FHIT: variants seen among roughly 807,000 people sequenced by gnomAD.
FHIT encodes fragile histidine triad diadenosine triphosphatase.
FHIT carries 19 observed loss-of-function variants against 17.9 expected under a neutral mutation model. The ratio of observed to expected loss-of-function variants is 1.06; its 90% CI spans 0.74 to 1.56. The LOEUF (loss-of-function observed/expected upper bound fraction) is 1.56, where lower values mean the gene tolerates loss of function less well. FHIT is among the 40% of genes most tolerant of loss of function. FHIT has a pLI of 0.00. For synonymous variants in FHIT, 81 were observed against 69.7 expected (o/e 1.16, Z -0.81); for missense variants, 248 against 189.2 (o/e 1.31, Z -1.82).
intron 5 of FHIT, among the ~76,000 whole-genome samples, chr3:60,358,702 C>T (rs1265588491): frequency 6.6e-6 from 1 of 152,120 alleles, no homozygotes; most frequent in Non-Finnish European, 1.5e-5. Flanking sequence ...AGTGCTTATC[C>T]ATTTCTCTGC....
At chr3:60,451,672 A>T (rs982446163) in intron 5 of FHIT, among the ~76,000 whole-genome samples, 2 of 152,182 alleles carry the variant, frequency 1.3e-5, no homozygotes, top group Admixed American at 1.3e-4. Context: ...TTGCACAAAG[A>T]TAACTTAGTA....
At chr3:61,170,592 T>C (rs1490970423) in intron 2 of FHIT, among the ~76,000 whole-genome samples, 2 of 152,176 alleles carry the variant, frequency 1.3e-5, no homozygotes, top group Non-Finnish European at 2.9e-5. Context: ...TTCTCATCAT[T>C]TTGCTCCCAC....
At chr3:61,005,605 T>G (rs2031393009) in intron 3 of FHIT, among the ~76,000 whole-genome samples, 1 of 152,188 alleles carries the variant, frequency 6.6e-6, no homozygotes, top group Non-Finnish European at 1.5e-5. Flanking sequence ...GTAGTGGAAC[T>G]GATAAATATT....
intron 3 of FHIT, among the ~76,000 whole-genome samples, chr3:60,999,469 A>G (rs2107600248): frequency 6.6e-6 from 1 of 150,976 alleles, no homozygotes; most frequent in African/African-American, 2.4e-5. Context: ...GAAAGCAAAT[A>G]GGATTACTAT....
chr3:61,248,321 T>A (rs929043360), intron 1 of FHIT, among the ~76,000 whole-genome samples: 37 of 151,616 alleles, frequency 2.4e-4, no homozygotes, highest in Non-Finnish European at 1.0e-4. Flanking sequence ...GGTGGGGGCA[T>A]GGGGGTGATG....
intron 4 of FHIT, among the ~76,000 whole-genome samples, chr3:60,562,677 C>T (rs1331656657): frequency 6.6e-6 from 1 of 152,156 alleles, no homozygotes; most frequent in Non-Finnish European, 1.5e-5. Flanking sequence ...AATGCAAATT[C>T]TCAGCTCCAC....
chr3:60,196,131 T>C (rs1566056), intron 5 of FHIT, among the ~76,000 whole-genome samples: 38,976 of 152,048 alleles, frequency 0.26, 5,841 homozygotes, highest in East Asian at 0.54. Context: ...AATTACCACA[T>C]ACTTAGGGCT....
intron 5 of FHIT, among the ~76,000 whole-genome samples, chr3:60,210,521 C>T (rs1576313713): frequency 7.8e-5 from 1 of 12,786 alleles, no homozygotes; most frequent in South Asian, 6.4e-3. Flanking sequence ...AGATAAAAAT[C>T]CCCAATATAC....
chr3:60,662,012 TACTG>T (rs2040259440), intron 4 of FHIT, among the ~76,000 whole-genome samples: 2 of 152,188 alleles, frequency 1.3e-5, no homozygotes, highest in South Asian at 4.1e-4. Context: ...GTTGTCTGTT[TACTG>T]ACTGTTTCTT....
In FHIT at chr3:60,066,781, C is replaced by T. The variant is rs541878616; in HGVS notation, c.104-52629G>A. ...ACGCCATTCTCCTGCCTCAGCCTCCCGAGTAGCTGGAACAACAGGCACCCA... is the reference window on the plus strand; with the variant it reads ...ACGCCATTCTCCTGCCTCAGCCTCCTGAGTAGCTGGAACAACAGGCACCCA... On this transcript the variant is annotated intron_variant, in intron 5 of 9. Transcript: ENST00000492590. 1.4e-3 allele frequency among the ~76,000 whole-genome samples: 218 copies of T among 151,606 alleles called. 1 individual carries two copies. Among genetic ancestry groups the T allele is most frequent in the African/African-American group, 4.9e-3 (204 of 41,358 alleles).
At chr3:60,274,027 G>T (rs998140079) in intron 5 of FHIT, among the ~76,000 whole-genome samples, 1 of 152,138 alleles carries the variant, frequency 6.6e-6, no homozygotes, top group Admixed American at 6.5e-5. Context: ...TGGCAGTAAT[G>T]ATAAGCCTTT....
At chr3:60,043,363 C>T (rs1343859221) in intron 5 of FHIT, among the ~76,000 whole-genome samples, 1 of 152,230 alleles carries the variant, frequency 6.6e-6, no homozygotes, top group East Asian at 1.9e-4. Context: ...GTAACAATAC[C>T]TCCTATTTTC....
intron 5 of FHIT, among the ~76,000 whole-genome samples, chr3:60,360,101 C>A (rs1197311310): frequency 6.8e-6 from 1 of 147,774 alleles, no homozygotes; most frequent in Admixed American, 7.0e-5. Flanking sequence ...TCTACCATTT[C>A]TATTATATTC....
intron 2 of FHIT, among the ~76,000 whole-genome samples, chr3:61,133,637 G>A (rs1424641114): frequency 6.6e-6 from 1 of 152,028 alleles, no homozygotes; most frequent in Non-Finnish European, 1.5e-5. Context: ...TGCTTTACTC[G>A]GGTTAAGTAT....
chr3:60,279,177 T>C (rs1002285087), intron 5 of FHIT, among the ~76,000 whole-genome samples: 1 of 152,106 alleles, frequency 6.6e-6, no homozygotes, highest in African/African-American at 2.4e-5. Context: ...ACAATACAGA[T>C]TACTAACATT....
chr3:60,600,737 C>T (rs782113568), intron 4 of FHIT, among the ~76,000 whole-genome samples: 23 of 152,242 alleles, frequency 1.5e-4, no homozygotes, highest in Admixed American at 5.9e-4. Flanking sequence ...AGTGATGAGG[C>T]AAACCCAGAC....
chr3:60,754,017 A>C (rs1175649999), intron 4 of FHIT, among the ~76,000 whole-genome samples: 1 of 152,196 alleles, frequency 6.6e-6, no homozygotes, highest in Non-Finnish European at 1.5e-5. Flanking sequence ...AGGATCAATA[A>C]AAGGGCCTTT....
At chr3:61,169,036 A>G (rs2037921419) in intron 2 of FHIT, among the ~76,000 whole-genome samples, 1 of 152,198 alleles carries the variant, frequency 6.6e-6, no homozygotes, top group African/African-American at 2.4e-5. Flanking sequence ...ATTCTAAGTC[A>G]ATACTTAGGG....
At chr3:61,115,349 C>T (rs1487853324) in intron 2 of FHIT, among the ~76,000 whole-genome samples, 1 of 151,950 alleles carries the variant, frequency 6.6e-6, no homozygotes, top group Non-Finnish European at 1.5e-5. Flanking sequence ...CTAGAGAGAG[C>T]CTGGCATAGA....
Sources: gnomAD v4.1 joint callset for allele counts (sites outside exome capture counted in the v4.1 genomes callset) on GRCh38, gnomAD v4.1.1 for gene constraint, MANE v1.5 for transcripts, NCBI Gene and HGNC (gene_info 2026-07-23, HGNC 2026-07-21) for gene names.